The following EPC1 variants were observed in gnomAD, a reference collection of about 807,000 sequenced individuals.
EPC1 encodes the protein enhancer of polycomb homolog 1.
A neutral mutation model predicts 98.4 loss-of-function variants in EPC1; 12 were observed. The observed-to-expected ratio is 0.12, with a 90% confidence interval of 0.08 to 0.20. EPC1 has a LOEUF of 0.20. EPC1 is among the 10% of genes least tolerant of loss of function. EPC1 has a pLI of 1.00. For synonymous variants in EPC1, 357 were observed against 363.9 expected, an observed-to-expected ratio of 0.98 and a Z score of 0.21; for missense variants, 729 against 990.5, an observed-to-expected ratio of 0.74 and a Z score of 3.54.
At chr10:32,316,012 C>T (rs1023007) in intron 1 of EPC1, among the ~76,000 whole-genome samples, 2,749 of 152,236 alleles carry the variant, frequency 0.018, 81 homozygotes, top group African/African-American at 0.062. Flanking sequence ...TTAACTATTC[C>T]CCTTTTCACT....
At chr10:32,296,204 G>C (rs1176912169) in intron 2 of EPC1, among the ~76,000 whole-genome samples, 1 of 151,994 alleles carries the variant, frequency 6.6e-6, no homozygotes, top group Non-Finnish European at 1.5e-5. Context: ...CGAAGTTCTG[G>C]GATTACAGTC....
At chr10:32,348,384 T>C (rs1168767808), upstream of EPC1, among the ~76,000 whole-genome samples, 1 of 152,130 alleles carries the variant, frequency 6.6e-6, no homozygotes, top group Non-Finnish European at 1.5e-5. Context: ...TGCAACAAGA[T>C]ACAAAAAGAT....
At chr10:32,292,871 T>C (rs887928376) in intron 4 of EPC1, 117 bp downstream of exon 4, 96 of 788,734 alleles carry the variant, frequency 1.2e-4, no homozygotes, top group Non-Finnish European at 1.8e-4. Flanking sequence ...TTTAAGTATT[T>C]TTCTTATAAT....
intron 1 of EPC1, among the ~76,000 whole-genome samples, chr10:32,375,961 A>G (rs1477467410): frequency 1.3e-5 from 2 of 151,968 alleles, no homozygotes; most frequent in Admixed American, 1.3e-4. Context: ...TAAAAATGTT[A>G]TCAATTAAAA....
intron 1 of EPC1, among the ~76,000 whole-genome samples, chr10:32,361,497 T>C (rs1839441415): frequency 6.6e-6 from 1 of 152,178 alleles, no homozygotes; most frequent in African/African-American, 2.4e-5. Flanking sequence ...CTAAGAAAAA[T>C]AGAATAAGTT....
chr10:32,371,997 ATG>A (rs1370997507), intron 1 of EPC1, among the ~76,000 whole-genome samples: 2 of 152,208 alleles, frequency 1.3e-5, no homozygotes, highest in African/African-American at 4.8e-5. Flanking sequence ...ATATTGAAAT[ATG>A]TATATATTAA....
chr10:32,313,586 G>A (rs929519700), intron 1 of EPC1, among the ~76,000 whole-genome samples: 5 of 152,196 alleles, frequency 3.3e-5, no homozygotes, highest in African/African-American at 7.2e-5. Context: ...TTAAGTCAAA[G>A]ATTGTTTTAA....
intron 1 of EPC1, among the ~76,000 whole-genome samples, chr10:32,323,946 A>AT (rs1305486567): frequency 6.6e-6 from 1 of 151,898 alleles, no homozygotes; most frequent in South Asian, 2.1e-4. Context: ...TTTTATTTTT[A>AT]TTTTTTTGAG....
At position 32,363,379 on chromosome 10, in the gene EPC1, C is replaced by G. The variant is rs114016412; in HGVS notation, c.3+15112G>C. Among the ~76,000 whole-genome samples the G allele has an allele frequency of 8.9e-3, 1,356 of 152,264 alleles. 17 individuals carry two copies. Among genetic ancestry groups the G allele is most frequent in the African/African-American group, 0.031 (1,293 of 41,532 alleles). On this transcript the variant is annotated intron_variant, in intron 1 of 13. Transcript: ENST00000375110. ...CGCAAGCTTGAGCTACCGTGCTCAGCCCATTTTTTCTTGAAGAAAGAGTAA... is the reference window on the plus strand; with the variant it reads ...CGCAAGCTTGAGCTACCGTGCTCAGGCCATTTTTTCTTGAAGAAAGAGTAA...
At chr10:32,355,874 G>A (rs1348472384) in intron 1 of EPC1, among the ~76,000 whole-genome samples, 2 of 152,208 alleles carry the variant, frequency 1.3e-5, no homozygotes, top group Non-Finnish European at 2.9e-5. Context: ...GCCTCCCAAA[G>A]TGCTGGGATT....
At chr10:32,306,119 T>G (rs1291343702) in intron 1 of EPC1, among the ~76,000 whole-genome samples, 188 bp from the exon 2 acceptor site, 1 of 152,102 alleles carries the variant, frequency 6.6e-6, no homozygotes, top group African/African-American at 2.4e-5. Context: ...CAAAAAAAAT[T>G]TTGTCAGAAA....
At chr10:32,377,058 A>G (rs1229889900) in intron 1 of EPC1, 4 of 152,226 alleles carry the variant, frequency 2.6e-5, no homozygotes, top group Admixed American at 6.5e-5. Context: ...AGATAACTCA[A>G]TAAGAACAAA....
chr10:32,347,126 T>G lies in EPC1; in HGVS notation c.-211A>C. The G allele has an allele frequency of 7.0e-7, 1 of 1,428,576 alleles. No homozygotes were observed. Among genetic ancestry groups the G allele is most frequent in the Non-Finnish European group, 9.1e-7 (1 of 1,095,900 alleles). The allele number at this position is 1,428,576 out of a possible 1,614,324, so 88.5% of individuals were successfully genotyped here. A position where few individuals can be genotyped will look rare whatever the true frequency, so the allele number is the denominator to read the frequency against. Reference sequence around the variant, plus strand: ...CTCGCTCGCTCTCTTCAATACGCCATGGCCAACATGGCGGACATTAAAACT... The same window carrying G: ...CTCGCTCGCTCTCTTCAATACGCCAGGGCCAACATGGCGGACATTAAAACT... On this transcript the variant is annotated 5_prime_UTR_variant, in exon 1 of 14. An upstream start codon of the reference 5' UTR is lost. Transcript: ENST00000319778.
At chr10:32,315,325 A>G (rs1166662330) in intron 1 of EPC1, among the ~76,000 whole-genome samples, 1 of 152,230 alleles carries the variant, frequency 6.6e-6, no homozygotes, top group African/African-American at 2.4e-5. Flanking sequence ...AATTATAATA[A>G]ACATTACCAA....
chr10:32,280,533 G>C (rs1384398590), intron 10 of EPC1, among the ~76,000 whole-genome samples: 5 of 152,096 alleles, frequency 3.3e-5, no homozygotes, highest in Non-Finnish European at 7.3e-5. Flanking sequence ...AGGGTCAGGA[G>C]TTCAAGACCA....
chr10:32,377,966 T>A (rs1839903709), intron 1 of EPC1, among the ~76,000 whole-genome samples: 1 of 152,140 alleles, frequency 6.6e-6, no homozygotes, highest in Admixed American at 6.6e-5. Context: ...AAATAAAAGA[T>A]CCACTATTTA....
chr10:32,311,364 G>C (rs1836220977), intron 1 of EPC1, among the ~76,000 whole-genome samples: 1 of 151,520 alleles, frequency 6.6e-6, no homozygotes, highest in Non-Finnish European at 1.5e-5. Flanking sequence ...AAATATTGCA[G>C]AATCTGGGTT....
upstream of EPC1, among the ~76,000 whole-genome samples, chr10:32,349,747 A>T (rs1358889379): frequency 6.6e-6 from 1 of 152,118 alleles, no homozygotes; most frequent in Admixed American, 6.5e-5. Context: ...CTAAAGGTAC[A>T]TGCCACCATA....
At chr10:32,322,183 G>A (rs1466448246) in intron 1 of EPC1, among the ~76,000 whole-genome samples, 2 of 150,880 alleles carry the variant, frequency 1.3e-5, no homozygotes, top group South Asian at 2.1e-4. Context: ...TACATGTATC[G>A]CAGTTCGCAG....
Sources: allele counts gnomAD v4.1 joint callset (sites outside exome capture counted in the v4.1 genomes callset), GRCh38; gene constraint gnomAD v4.1.1; transcripts MANE v1.5; gene names NCBI Gene and HGNC (gene_info 2026-07-23, HGNC 2026-07-21).